The following ZSWIM5 variants were observed in gnomAD, a reference collection of about 807,000 sequenced individuals.
ZSWIM5 encodes the protein zinc finger SWIM domain-containing protein 5.
In ZSWIM5, 55 loss-of-function variants were observed where a neutral mutation model predicts 119.6. That is an observed-to-expected ratio of 0.46 (90% confidence interval 0.37 to 0.58). The LOEUF (loss-of-function observed/expected upper bound fraction) is 0.58, where lower values mean the gene tolerates loss of function less well. ZSWIM5 is among the 20% of genes least tolerant of loss of function. ZSWIM5 has a pLI of 0.00. For synonymous variants in ZSWIM5, 537 were observed against 606.9 expected (o/e 0.88, Z 1.69); for missense variants, 1,193 against 1,512.8 (o/e 0.79, Z 3.51).
At chr1:45,203,855 T>C (rs1392167947) in intron 1 of ZSWIM5, among the ~76,000 whole-genome samples, 1 of 152,104 alleles carries the variant, frequency 6.6e-6, no homozygotes, top group Non-Finnish European at 1.5e-5. Context: ...TAGCATAAAC[T>C]TAAAGTGATA....
intron 1 of ZSWIM5, among the ~76,000 whole-genome samples, chr1:45,153,051 A>G (rs1222515215): frequency 2.0e-5 from 3 of 151,524 alleles, no homozygotes; most frequent in Non-Finnish European, 4.4e-5. Flanking sequence ...ACTACAATGA[A>G]GTGCCATTTC....
intron 1 of ZSWIM5, among the ~76,000 whole-genome samples, chr1:45,172,225 T>C (rs980356840): frequency 6.6e-6 from 1 of 152,138 alleles, no homozygotes; most frequent in African/African-American, 2.4e-5. Context: ...GCGGCTTCCC[T>C]ATACTTTGTT....
At chr1:45,021,954 G>A (rs1270089385) in intron 11 of ZSWIM5, among the ~76,000 whole-genome samples, 1 of 148,746 alleles carries the variant, frequency 6.7e-6, no homozygotes, top group East Asian at 2.0e-4. Context: ...CCTGGGAGGC[G>A]GAGGTTGCAG....
At chr1:45,136,637 CTG>C (rs1283852314) in intron 1 of ZSWIM5, among the ~76,000 whole-genome samples, 2 of 152,074 alleles carry the variant, frequency 1.3e-5, no homozygotes, top group African/African-American at 4.8e-5. Flanking sequence ...ATATGGAAAA[CTG>C]TAGAAATAAC....
intron 1 of ZSWIM5, among the ~76,000 whole-genome samples, chr1:45,115,605 T>A (rs1645550716): frequency 1.4e-5 from 2 of 146,900 alleles, no homozygotes; most frequent in African/African-American, 5.1e-5. Flanking sequence ...CGCTCGTCAC[T>A]TCCCAGACGG....
At position 45,058,671 on chromosome 1, in the gene ZSWIM5, G is replaced by A. The variant is rs529882617; in HGVS notation, c.1190C>T (p.Thr397Ile). Reference protein sequence around the residue: ...TEQFVADPRLTLWRQQGTNMT... With the variant: ...TEQFVADPRLILWRQQGTNMT... The stretch of plus-strand genomic sequence containing the variant: ...GTTTGTTCCTTGCTGCCTCCAGAGT[G>A]TGAGTCGTGGGTCAGCCACAAACTG... Residue 397 changes from threonine to isoleucine, a missense_variant, in exon 4 of 14, where the codon ACA (threonine) becomes ATA (isoleucine). Transcript: ENST00000359600. 51 of 1,614,250 alleles carry A rather than the reference G, an allele frequency of 3.2e-5. No individual in the cohort carries two copies. The Middle Eastern group carries it at 4.9e-4, about 16-fold the overall frequency.
At position 45,073,622 on chromosome 1, in the gene ZSWIM5, T is replaced by G. The variant is rs544826802; in HGVS notation, c.953-13375A>C. Among the ~76,000 whole-genome samples the G allele has an allele frequency of 3.9e-5, 6 of 152,010 alleles. 1 individual carries two copies. The highest frequency in any genetic ancestry group is 1.5e-4 in the African/African-American group (6 of 41,268). Reference sequence around the variant, plus strand: ...TACTGAATTTGTTCATCAATTCTAATAGTTTTTTGGTGGAGTCTTTAGGTT... The same window carrying G: ...TACTGAATTTGTTCATCAATTCTAAGAGTTTTTTGGTGGAGTCTTTAGGTT... On this transcript the variant is annotated intron_variant, in intron 2 of 13. Coordinates refer to ENST00000359600, the MANE Select transcript of ZSWIM5 (RefSeq NM_020883.2).
chr1:45,090,189 A>C (rs1645356874), intron 1 of ZSWIM5, among the ~76,000 whole-genome samples: 1 of 152,222 alleles, frequency 6.6e-6, no homozygotes, highest in African/African-American at 2.4e-5. Flanking sequence ...CGAAATTATC[A>C]CATAAAGCCA....
chr1:45,100,403 C>T (rs964026035), intron 1 of ZSWIM5, among the ~76,000 whole-genome samples: 44 of 152,174 alleles, frequency 2.9e-4, no homozygotes, highest in African/African-American at 9.9e-4. Context: ...TAAAAGAGGA[C>T]ACAAACAAAT....
At chr1:45,070,537 G>A in intron 2 of ZSWIM5, 2 of 548,130 alleles carry the variant, frequency 3.6e-6, no homozygotes, top group South Asian at 2.7e-5. Flanking sequence ...ATTTTTTTCT[G>A]TTCTTTGCAT....
chr1:45,115,925 G>A (rs1054482537), intron 1 of ZSWIM5, among the ~76,000 whole-genome samples: 1 of 152,204 alleles, frequency 6.6e-6, no homozygotes, highest in Non-Finnish European at 1.5e-5. Flanking sequence ...AGGTTGTAGC[G>A]AGCCGAGATC....
At chr1:45,107,641 CAAAAAAA>C (rs931372052) in intron 1 of ZSWIM5, among the ~76,000 whole-genome samples, 9 of 68,562 alleles carry the variant, frequency 1.3e-4, no homozygotes, top group African/African-American at 3.4e-4. Flanking sequence ...GACTCTGTCT[CAAAAAAA>C]AAAAAAAAAA....
intron 1 of ZSWIM5, among the ~76,000 whole-genome samples, chr1:45,102,633 G>C (rs1268596954): frequency 6.6e-6 from 1 of 152,102 alleles, no homozygotes. Context: ...GTGTATGGAT[G>C]AATGAATAAA....
chr1:45,022,760 T>G (rs542205044), intron 11 of ZSWIM5, among the ~76,000 whole-genome samples: 1 of 152,332 alleles, frequency 6.6e-6, no homozygotes, highest in Non-Finnish European at 1.5e-5. Context: ...TGTGGGGGAT[T>G]GGTTCCATGA....
At position 45,036,111 on chromosome 1, in the gene ZSWIM5, G is replaced by A; in HGVS notation, c.2083C>T (p.Gln695Ter). ...TCGTCCAGCTGCAGCTCTTGGAGTT[G>A]GCTCAGGAGCTGCTCCTCATTACGG... ...VCRNEEQLLS[Q>*]LQELQLDDEL... Residue 695 changes from glutamine to a stop codon, truncating the protein, a stop_gained, in exon 9 of 14, where the codon CAA becomes TAA. Coordinates refer to ENST00000359600, the MANE Select transcript of ZSWIM5 (RefSeq NM_020883.2). LOFTEE classifies it high-confidence loss of function. 6.2e-7 allele frequency: 1 copy of A among 1,614,124 alleles called. No homozygotes were observed. The highest frequency in any genetic ancestry group is 8.5e-7 in the Non-Finnish European group (1 of 1,180,034).
At chr1:45,146,397 A>G (rs1645759853) in intron 1 of ZSWIM5, among the ~76,000 whole-genome samples, 2 of 150,732 alleles carry the variant, frequency 1.3e-5, no homozygotes, top group South Asian at 4.2e-4. Context: ...TTTGAAAAAA[A>G]AAAAAGTATA....
intron 1 of ZSWIM5, among the ~76,000 whole-genome samples, chr1:45,115,613 C>A (rs1179592634): frequency 6.7e-6 from 1 of 150,048 alleles, no homozygotes; most frequent in Non-Finnish European, 1.5e-5. Context: ...ACTTCCCAGA[C>A]GGGATGGCGG....
chr1:45,070,645 T>C (rs12735704), intron 2 of ZSWIM5, among the ~76,000 whole-genome samples: 2,219 of 152,352 alleles, frequency 0.015, 23 homozygotes, highest in Non-Finnish European at 0.024. Context: ...CTGCATAGTT[T>C]GTATTTCCCC....
intron 1 of ZSWIM5, among the ~76,000 whole-genome samples, chr1:45,134,832 A>G (rs1400423915): frequency 1.3e-5 from 2 of 152,206 alleles, no homozygotes; most frequent in Non-Finnish European, 2.9e-5. Flanking sequence ...GAATCATACA[A>G]TATTTGTCAA....
Sources: allele counts gnomAD v4.1 joint callset (sites outside exome capture counted in the v4.1 genomes callset), GRCh38; gene constraint gnomAD v4.1.1; transcripts MANE v1.5; gene names NCBI Gene and HGNC (gene_info 2026-07-23, HGNC 2026-07-21).